Variants in JPH4 observed in about 807,000 individuals in gnomAD.
JPH4 encodes the protein junctophilin-4.
Under a neutral mutation model 57.6 loss-of-function variants are expected in JPH4, and 18 were observed. The ratio of observed to expected loss-of-function variants is 0.31; its 90% CI spans 0.22 to 0.46. JPH4 has a LOEUF of 0.46. JPH4 is among the 20% of genes least tolerant of loss of function. The pLI is 1.00. For synonymous variants in JPH4, 425 were observed against 406.6 expected (o/e 1.05, Z -0.54); for missense variants, 727 against 911.1 (o/e 0.80, Z 2.60).
chr14:23,570,711 C>A (rs919819625), intron 5 of JPH4, among the ~76,000 whole-genome samples: 5 of 152,192 alleles, frequency 3.3e-5, no homozygotes, highest in Admixed American at 2.0e-4. Context: ...CCTCAGTTCC[C>A]CCATCTGTCA....
rs746725292 is a variant in JPH4, at chr14:23,571,598, C to A, written c.1271-138G>T. On this transcript the variant is annotated intron_variant, in intron 4 of 5. Transcript: ENST00000356300. The surrounding 1 kb of genome is among the most constrained non-coding windows in gnomAD (Gnocchi z 4.6). Reference sequence around the variant, plus strand: ...GCCTCTCACCGCCAGACCCCAAACCCCCCATTATCCTACTGCATACATTCC... The same window carrying A: ...GCCTCTCACCGCCAGACCCCAAACCACCCATTATCCTACTGCATACATTCC... The A allele has an allele frequency of 6.4e-4, 741 of 1,154,052 alleles. 3 individuals are homozygous for A. Among genetic ancestry groups the A allele is most frequent in the Non-Finnish European group, 7.5e-4 (609 of 811,776 alleles). 71.5% of individuals were successfully genotyped at this position (1,154,052 alleles called of 1,614,324 possible).
In JPH4 at chr14:23,569,399, T is replaced by C. The variant is rs749243913; in HGVS notation, c.*235A>G. ...GTAAACAATCTAGAGAAAGAAGGGG[T>C]TGGGATGGGGAAGGGAGTGAGGAAT... On this transcript the variant is annotated 3_prime_UTR_variant, in exon 6 of 6. Coordinates refer to ENST00000356300, the MANE Select transcript of JPH4 (RefSeq NM_001146028.2). This position sits in a 1 kb window ranked among gnomAD's most constrained non-coding sequence, Gnocchi z 4.8. 2 of 499,484 alleles carry C rather than the reference T, an allele frequency of 4.0e-6. No individual in the cohort carries two copies. The highest frequency in any genetic ancestry group is 7.2e-6 in the Non-Finnish European group (2 of 277,262). The allele number at this position is 499,484 out of a possible 1,614,324, so 30.9% of individuals were successfully genotyped here.
chr14:23,576,029 C>T lies in JPH4; in HGVS notation c.807G>A (p.Ala269=), dbSNP rs576694785. 151 of 1,336,292 alleles carry T rather than the reference C, an allele frequency of 1.1e-4. No homozygotes were observed. Among genetic ancestry groups the T allele is most frequent in the Admixed American group, 4.0e-4 (10 of 25,316 alleles). The allele number at this position is 1,336,292 out of a possible 1,614,324, so 82.8% of individuals were successfully genotyped here. A position where few individuals can be genotyped will look rare whatever the true frequency, so the allele number is the denominator to read the frequency against. ...CCGAGCCCTCGATGAGGGCGGGCGGCGCTGCGGCCGGGGGCCCGCTGGCCT... is the reference window on the plus strand; with the variant it reads ...CCGAGCCCTCGATGAGGGCGGGCGGTGCTGCGGCCGGGGGCCCGCTGGCCT... The part of the protein sequence containing the change: ...GSEASGPPAA[A]PPALIEGSAT... Residue 269 remains alanine, a synonymous_variant, in exon 3 of 6, where the codon GCG becomes GCA. Coordinates refer to ENST00000356300, the MANE Select transcript of JPH4 (RefSeq NM_001146028.2). This position sits in a 1 kb window ranked among gnomAD's most constrained non-coding sequence, Gnocchi z 8.0.
rs1172910039 is a variant in JPH4 at position 23,569,467 on chromosome 14, C to T, written c.*167G>A. On this transcript the variant is annotated 3_prime_UTR_variant, in exon 6 of 6. Transcript: ENST00000356300. The surrounding 1 kb of genome is among the most constrained non-coding windows in gnomAD (Gnocchi z 4.8). ...AGAAATGAGATAATCTGAAAGAAGA[C>T]AGGGAAAGAAAAAGCGAGAGAAAAA... 1.6e-6 allele frequency: 1 copy of T among 637,094 alleles called. No individual in the cohort carries two copies. The highest frequency in any genetic ancestry group is 2.8e-6 in the Non-Finnish European group (1 of 354,430). The allele number at this position is 637,094 out of a possible 1,614,324, so 39.5% of individuals were successfully genotyped here.
At position 23,571,791 on chromosome 14, in the gene JPH4, C is replaced by A. The variant is rs1023603659; in HGVS notation, c.1270+11G>T. ...GCCTCACTGCCCTCCCCCCAGCTGT[C>A]CATGCCTCACCTGGGGCCTCTAGCA... is the stretch of plus-strand genomic sequence containing the variant. On this transcript the variant is annotated intron_variant, in intron 4 of 5. Coordinates refer to ENST00000356300, the MANE Select transcript of JPH4 (RefSeq NM_001146028.2). This position sits in a 1 kb window ranked among gnomAD's most constrained non-coding sequence, Gnocchi z 4.6. The A allele has an allele frequency of 1.2e-6, 2 of 1,607,658 alleles. No homozygotes were observed. Among genetic ancestry groups the A allele is most frequent in the African/African-American group, 2.7e-5 (2 of 74,858 alleles).
At position 23,575,720 on chromosome 14, in the gene JPH4, A is replaced by G; in HGVS notation, c.1116T>C (p.Ser372=). The change falls in exon 3 of 6, where the codon AGT becomes AGC. Residue 372 remains serine (S), a synonymous_variant. Coordinates refer to ENST00000356300, the MANE Select transcript of JPH4 (RefSeq NM_001146028.2). This position sits in a 1 kb window ranked among gnomAD's most constrained non-coding sequence, Gnocchi z 6.9. Reference sequence around the variant, plus strand: ...CGATCTCCTGGCGCTGACGGGCAGCACTCACGGCTCGACGGGCGCCCTCGA... The same window carrying G: ...CGATCTCCTGGCGCTGACGGGCAGCGCTCACGGCTCGACGGGCGCCCTCGA... ...RAVEGARRAV[S]AARQRQEIAA... The G allele has an allele frequency of 6.2e-7, 1 of 1,606,084 alleles. No individual in the cohort carries two copies. The highest frequency in any genetic ancestry group is 8.5e-7 in the Non-Finnish European group (1 of 1,177,386).
chr14:23,577,403 C>T lies in JPH4; in HGVS notation c.51G>A (p.Gly17=), dbSNP rs1383690869. 2 of 1,468,028 alleles carry T rather than the reference C, an allele frequency of 1.4e-6. No homozygotes were observed. The highest frequency in any genetic ancestry group is 1.5e-5 in the African/African-American group (1 of 68,278). The allele number at this position is 1,468,028 out of a possible 1,614,324, so 90.9% of individuals were successfully genotyped here. The change falls in exon 2 of 6, where the codon GGG becomes GGA. Residue 17 remains glycine, a synonymous_variant. Coordinates refer to ENST00000356300, the MANE Select transcript of JPH4 (RefSeq NM_001146028.2). This position sits in a 1 kb window ranked among gnomAD's most constrained non-coding sequence, Gnocchi z 8.4. ...FDFDDGGCYV[G]GWEAGRAHGY... is the part of the protein sequence containing the mutation. Reference sequence around the variant, plus strand: ...CATGTGCCCGCCCCGCCTCCCAGCCCCCCACGTAGCAGCCCCCGTCGTCAA... The same window carrying T: ...CATGTGCCCGCCCCGCCTCCCAGCCTCCCACGTAGCAGCCCCCGTCGTCAA...
chr14:23,574,244 G>A (rs975382455), intron 3 of JPH4, among the ~76,000 whole-genome samples: 10 of 150,740 alleles, frequency 6.6e-5, no homozygotes, highest in East Asian at 1.9e-4. Flanking sequence ...GCGTGGTCTC[G>A]GCTCACTGCA....
rs1375683274 is a variant in JPH4, at chr14:23,569,850, T to G, written c.1804-133A>C. 3.3e-6 allele frequency: 2 copies of G among 614,832 alleles called. No homozygotes were observed. Among genetic ancestry groups the G allele is most frequent in the Non-Finnish European group, 5.8e-6 (2 of 345,390 alleles). 38.1% of individuals were successfully genotyped at this position (614,832 alleles called of 1,614,324 possible). A position where few individuals can be genotyped will look rare whatever the true frequency, so the allele number is the denominator to read the frequency against. ...CCTGGAGCAGGGGGATCGCCAACAT[T>G]TGTTTTGGATTGCAAAACCCCCTCT... is the stretch of plus-strand genomic sequence containing the variant. On this transcript the variant is annotated intron_variant, in intron 5 of 5. Coordinates refer to ENST00000356300, the MANE Select transcript of JPH4 (RefSeq NM_001146028.2). This position sits in a 1 kb window ranked among gnomAD's most constrained non-coding sequence, Gnocchi z 4.8.
rs760848550 is a variant in JPH4 at position 23,572,062 on chromosome 14, T to C, written c.1152-142A>G. Reference sequence around the variant, plus strand: ...GGAGTCGTCACCCTTCGCCACACTCTGCCAGCTGCTTCCCTTCCTGGCAGG... The same window carrying C: ...GGAGTCGTCACCCTTCGCCACACTCCGCCAGCTGCTTCCCTTCCTGGCAGG... On this transcript the variant is annotated intron_variant, in intron 3 of 5. Coordinates refer to ENST00000356300, the MANE Select transcript of JPH4 (RefSeq NM_001146028.2). 80 of 734,268 alleles carry C rather than the reference T, an allele frequency of 1.1e-4. 1 individual carries two copies. The highest frequency in any genetic ancestry group is 1.2e-4 in the Non-Finnish European group (51 of 440,808). The allele number at this position is 734,268 out of a possible 1,614,324, so 45.5% of individuals were successfully genotyped here.
Position 23,576,130 on chromosome 14 carries a change from A to G in JPH4, c.706T>C (p.Ser236Pro). The change falls in exon 3 of 6, where the codon TCC becomes CCC. Residue 236 changes from serine (S) to proline (P), a missense_variant. Physicochemically the swap from Ser to Pro is moderately conservative, Grantham distance 74. Around this residue, in one of 7 missense-constraint regions of JPH4, gnomAD observed 131 missense variants for 156.5 expected, o/e 0.84. Transcript: ENST00000356300. The surrounding 1 kb of genome is among the most constrained non-coding windows in gnomAD (Gnocchi z 8.0). ...AGGGAGCCTCGCTTGCTGCCCAGGGAGCTGCGACGTCCGCCCGCTCGGAGC... is the reference window on the plus strand; with the variant it reads ...AGGGAGCCTCGCTTGCTGCCCAGGGGGCTGCGACGTCCGCCCGCTCGGAGC... ...SGLRAGGRRSSLGSKRGSLRS... is the reference protein window; with the variant it reads ...SGLRAGGRRSPLGSKRGSLRS... The G allele has an allele frequency of 7.6e-7, 1 of 1,310,714 alleles. No homozygotes were observed. Among genetic ancestry groups the G allele is most frequent in the Non-Finnish European group, 9.7e-7 (1 of 1,029,700 alleles). 81.2% of individuals were successfully genotyped at this position (1,310,714 alleles called of 1,614,324 possible).
intron 3 of JPH4, chr14:23,572,788 A>G (rs751770202): frequency 2.9e-6 from 2 of 679,082 alleles, no homozygotes; most frequent in South Asian, 1.6e-5. Flanking sequence ...TTGCAACTAC[A>G]CTTCTGGCTA....
rs770990064 is a variant in JPH4 at position 23,577,340 on chromosome 14, C to T, written c.114G>A (p.Glu38=). Residue 38 remains glutamate (E), a synonymous_variant, in exon 2 of 6, where the codon GAG becomes GAA. Transcript: ENST00000356300. The surrounding 1 kb of genome is among the most constrained non-coding windows in gnomAD (Gnocchi z 8.4). Reference sequence around the variant, plus strand: ...AGCCGTGTGCCCAGCAGCCGCTGTACTCGCCCTGGGCGCCGGGGCCCGTGC... The same window carrying T: ...AGCCGTGTGCCCAGCAGCCGCTGTATTCGCCCTGGGCGCCGGGGCCCGTGC... ...GVCTGPGAQG[E]YSGCWAHGFE... 48 of 1,527,536 alleles carry T rather than the reference C, an allele frequency of 3.1e-5. No individual in the cohort carries two copies. The highest frequency in any genetic ancestry group is 4.0e-5 in the Admixed American group (2 of 50,420). The allele number at this position is 1,527,536 out of a possible 1,614,324, so 94.6% of individuals were successfully genotyped here. A position where few individuals can be genotyped will look rare whatever the true frequency, so the allele number is the denominator to read the frequency against.
chr14:23,572,823 C>G, intron 3 of JPH4: 1 of 700,768 alleles, frequency 1.4e-6, no homozygotes, highest in Non-Finnish European at 2.6e-6. Context: ...CTTCCACAAC[C>G]CCCTACCACC....
Position 23,568,298 on chromosome 14 carries a change from A to G in JPH4, c.*1336T>C. On this transcript the variant is annotated 3_prime_UTR_variant, in exon 6 of 6. Coordinates refer to ENST00000356300, the MANE Select transcript of JPH4 (RefSeq NM_001146028.2). ...CCATTCCTTGAGGGAGGGGGTTGGC[A>G]GGCAGCTTGCCTCTGCCTCATGCAG... The G allele has an allele frequency of 1.0e-6, 1 of 985,884 alleles. No individual in the cohort carries two copies. The highest frequency in any genetic ancestry group is 4.7e-5 in the South Asian group (1 of 21,282). The allele number at this position is 985,884 out of a possible 1,614,324, so 61.1% of individuals were successfully genotyped here.
chr14:23,570,617 G>A (rs994341079), intron 5 of JPH4, among the ~76,000 whole-genome samples: 3 of 151,920 alleles, frequency 2.0e-5, no homozygotes, highest in Admixed American at 1.3e-4. Context: ...CTCGTGATCC[G>A]CCCACTTCGG....
At position 23,575,625 on chromosome 14, in the gene JPH4, C is replaced by T; in HGVS notation, c.1151+60G>A. On this transcript the variant is annotated intron_variant, in intron 3 of 5. Transcript: ENST00000356300. The surrounding 1 kb of genome is among the most constrained non-coding windows in gnomAD (Gnocchi z 6.9). ...GCCTCCCTTAGGCACACCCGCCTTC[C>T]TGGTCCCCAGCGCACCCCCTCCTCT... 1.3e-6 allele frequency: 2 copies of T among 1,548,816 alleles called. No individual in the cohort carries two copies. Among genetic ancestry groups the T allele is most frequent in the Non-Finnish European group, 1.7e-6 (2 of 1,150,744 alleles).
chr14:23,571,375 G>T lies in JPH4; in HGVS notation c.1356C>A (p.Thr452=). 1.2e-6 allele frequency: 2 copies of T among 1,600,888 alleles called. No homozygotes were observed. Among genetic ancestry groups the T allele is most frequent in the East Asian group, 4.5e-5 (2 of 44,864 alleles). ...GCAGTTCAGGGGATCCCTCTGAGGGGGTCAGTCCGTTCTCATATACCCCAG... is the reference window on the plus strand; with the variant it reads ...GCAGTTCAGGGGATCCCTCTGAGGGTGTCAGTCCGTTCTCATATACCCCAG... ...DSPGVYENGL[T]PSEGSPELPS... Residue 452 remains threonine (T), a synonymous_variant, in exon 5 of 6, where the codon ACC becomes ACA. Coordinates refer to ENST00000356300, the MANE Select transcript of JPH4 (RefSeq NM_001146028.2). This position sits in a 1 kb window ranked among gnomAD's most constrained non-coding sequence, Gnocchi z 4.6.
At chr14:23,570,669 C>T (rs946111127) in intron 5 of JPH4, among the ~76,000 whole-genome samples, 2 of 152,058 alleles carry the variant, frequency 1.3e-5, no homozygotes, top group African/African-American at 2.4e-5. Flanking sequence ...CCACCGCGCC[C>T]GGCCTGGGCA....
Sources: gnomAD v4.1 joint callset for allele counts (sites outside exome capture counted in the v4.1 genomes callset) on GRCh38, gnomAD v4.1.1 for gene constraint, gnomAD v4.1.1 regional missense constraint, Gnocchi (gnomAD v3.1) non-coding constraint, MANE v1.5 for transcripts, NCBI Gene and HGNC (gene_info 2026-07-23, HGNC 2026-07-21) for gene names.